TRAF3: variants seen among roughly 807,000 people sequenced by gnomAD.
The protein encoded by TRAF3 is TNF receptor-associated factor 3.
TRAF3 carries 13 observed loss-of-function variants against 62.3 expected under a neutral mutation model. That is an observed-to-expected ratio of 0.21 (90% CI 0.14 to 0.33). The LOEUF is 0.33. TRAF3 is among the 10% of genes least tolerant of loss of function. The pLI is 1.00. For missense variants in TRAF3, 440 were observed against 741.8 expected, an observed-to-expected ratio of 0.59 and a Z score of 4.73; for synonymous variants, 269 against 283.4, an observed-to-expected ratio of 0.95 and a Z score of 0.51.
intron 6 of TRAF3, among the ~76,000 whole-genome samples, chr14:102,880,238 G>C (rs1888971768): frequency 6.6e-6 from 1 of 152,164 alleles, no homozygotes; most frequent in South Asian, 2.1e-4. Context: ...CAGAACTCTG[G>C]AAGGCCAAAG....
At chr14:102,853,269 TC>T (rs1253884198) in intron 2 of TRAF3, among the ~76,000 whole-genome samples, 1 of 151,984 alleles carries the variant, frequency 6.6e-6, no homozygotes, top group Non-Finnish European at 1.5e-5. Flanking sequence ...TCCTGGTACT[TC>T]AAGCAGTCCT....
intron 9 of TRAF3, among the ~76,000 whole-genome samples, chr14:102,894,251 C>T (rs556177957): frequency 2.0e-5 from 3 of 152,124 alleles, no homozygotes; most frequent in East Asian, 1.9e-4. Context: ...GGCGTGAACC[C>T]GGGAGGCAGA....
chr14:102,869,370 G>A (rs1308112287), intron 2 of TRAF3, among the ~76,000 whole-genome samples: 3 of 152,310 alleles, frequency 2.0e-5, no homozygotes, highest in South Asian at 2.1e-4. Flanking sequence ...CTCATCTAGC[G>A]GAAGTCAATG....
chr14:102,813,425 C>G (rs746300034), intron 1 of TRAF3, among the ~76,000 whole-genome samples: 1 of 151,752 alleles, frequency 6.6e-6, no homozygotes, highest in African/African-American at 2.4e-5. Context: ...CAGGTAATCC[C>G]CCTGCCCCGG....
intron 2 of TRAF3, among the ~76,000 whole-genome samples, chr14:102,833,263 G>T (rs1192493583): frequency 6.6e-6 from 1 of 152,178 alleles, no homozygotes; most frequent in Admixed American, 6.5e-5. Context: ...CGCTTTCCTT[G>T]AAGGTGGTTG....
chr14:102,816,073 A>G (rs185586532), intron 1 of TRAF3, among the ~76,000 whole-genome samples: 55 of 152,258 alleles, frequency 3.6e-4, no homozygotes, highest in Non-Finnish European at 6.3e-4. Context: ...TTGACCATAA[A>G]TATAAGGGCT....
chr14:102,905,111 C>CA (rs923160863), intron 11 of TRAF3, 102 bp from the exon 12 acceptor site: 9 of 1,266,096 alleles, frequency 7.1e-6, no homozygotes, highest in African/African-American at 4.4e-5. Context: ...GACTCCGTCT[C>CA]AAAAAAATGA....
intron 10 of TRAF3, among the ~76,000 whole-genome samples, chr14:102,899,849 A>G (rs1462315798): frequency 6.6e-6 from 1 of 152,096 alleles, no homozygotes; most frequent in Non-Finnish European, 1.5e-5. Context: ...TGAGTTCTTA[A>G]TATTTTACTT....
rs557438477 is a variant in TRAF3 at position 102,792,498 on chromosome 14, C to G, written c.-157+14823C>G. 3.4e-5 allele frequency among the ~76,000 whole-genome samples: 5 copies of G among 148,006 alleles called. No homozygotes were observed. The South Asian group carries it at 8.5e-4, about 25-fold the overall frequency. ...TGTTGCCTAGGCTGATCTCAAACTCCTGGCCTCAAGCAGACCTCCTGCCTC... is the reference window on the plus strand; with the variant it reads ...TGTTGCCTAGGCTGATCTCAAACTCGTGGCCTCAAGCAGACCTCCTGCCTC... On this transcript the variant is annotated intron_variant, in intron 1 of 11. Transcript: ENST00000392745.
At chr14:102,855,531 C>T (rs1887310195) in intron 2 of TRAF3, among the ~76,000 whole-genome samples, 2 of 152,124 alleles carry the variant, frequency 1.3e-5, no homozygotes, top group African/African-American at 4.8e-5. Flanking sequence ...CGCAGTGGCT[C>T]ACACCTGTAA....
chr14:102,804,338 A>G (rs148451221), intron 1 of TRAF3, among the ~76,000 whole-genome samples: 3 of 152,242 alleles, frequency 2.0e-5, no homozygotes, highest in African/African-American at 4.8e-5. Flanking sequence ...TGGCTAGGAA[A>G]ATAATTGGGC....
intron 1 of TRAF3, among the ~76,000 whole-genome samples, chr14:102,785,263 C>G (rs932230391): frequency 2.0e-5 from 3 of 152,198 alleles, no homozygotes; most frequent in Non-Finnish European, 4.4e-5. Context: ...GCACTCCGTT[C>G]CATCTCTGGC....
chr14:102,810,299 A>G (rs1044325928), intron 1 of TRAF3, among the ~76,000 whole-genome samples: 5 of 152,142 alleles, frequency 3.3e-5, no homozygotes, highest in African/African-American at 1.2e-4. Context: ...ACTGTTCATC[A>G]CACCCAGTGC....
In TRAF3 at chr14:102,909,081, G is replaced by C. The variant is rs911445901; in HGVS notation, c.*3297G>C. ...GGGTTGGGTGGCTCAGTGAGGGTGT[G>C]GAAGTGGGGGACCCACGGGGCCTGG... is the stretch of plus-strand genomic sequence containing the variant. On this transcript the variant is annotated 3_prime_UTR_variant, in exon 12 of 12. Transcript: ENST00000392745. The C allele has an allele frequency of 1.3e-5, 2 of 152,532 alleles. No homozygotes were observed. Among genetic ancestry groups the C allele is most frequent in the African/African-American group, 2.4e-5 (1 of 41,480 alleles). 9.4% of individuals were successfully genotyped at this position (152,532 alleles called of 1,614,324 possible).
chr14:102,836,848 A>C (rs1418224357), intron 2 of TRAF3, among the ~76,000 whole-genome samples: 1 of 152,224 alleles, frequency 6.6e-6, no homozygotes, highest in African/African-American at 2.4e-5. Flanking sequence ...ATGTTTGATC[A>C]TGATTTCAGG....
At chr14:102,877,522 G>A (rs563600611) in intron 6 of TRAF3, among the ~76,000 whole-genome samples, 4 of 141,804 alleles carry the variant, frequency 2.8e-5, no homozygotes, top group East Asian at 2.2e-4. Flanking sequence ...CAGGCCTTCC[G>A]CTCAGCTCAT....
At chr14:102,867,559 G>T (rs1053626532) in intron 2 of TRAF3, among the ~76,000 whole-genome samples, 1 of 152,152 alleles carries the variant, frequency 6.6e-6, no homozygotes, top group Non-Finnish European at 1.5e-5. Context: ...GCATGTGTCT[G>T]GGTAGGCTCA....
intron 2 of TRAF3, among the ~76,000 whole-genome samples, chr14:102,860,297 A>G (rs1355079300): frequency 2.0e-5 from 3 of 152,216 alleles, no homozygotes; most frequent in Non-Finnish European, 4.4e-5. Flanking sequence ...AAAACAGATA[A>G]TGCAGTGCAA....
At chr14:102,799,735 C>A (rs1898284141) in intron 1 of TRAF3, among the ~76,000 whole-genome samples, 1 of 152,200 alleles carries the variant, frequency 6.6e-6, no homozygotes, top group Admixed American at 6.5e-5. Context: ...CAGGCTGAGC[C>A]ACTGCTCTTG....
Sources: gnomAD v4.1 joint callset for allele counts (sites outside exome capture counted in the v4.1 genomes callset) on GRCh38, gnomAD v4.1.1 for gene constraint, MANE v1.5 for transcripts, NCBI Gene and HGNC (gene_info 2026-07-23, HGNC 2026-07-21) for gene names.